The following NRXN3 variants were observed in gnomAD, a reference collection of about 807,000 sequenced individuals.
NRXN3 encodes neurexin 3.
Under a neutral mutation model 137.6 loss-of-function variants are expected in NRXN3, and 32 were observed. The observed-to-expected ratio is 0.23, with a 90% CI of 0.18 to 0.31. NRXN3 has a LOEUF of 0.31. NRXN3 is among the 10% of genes least tolerant of loss of function. The pLI, the probability that NRXN3 is intolerant of heterozygous loss-of-function variation, is 1.00. For missense variants in NRXN3, 1,574 were observed against 2,062.5 expected (o/e 0.76, Z 4.59); for synonymous variants, 798 against 784.5 (o/e 1.02, Z -0.29).
chr14:78,966,393 G>A lies in NRXN3; in HGVS notation c.2764G>A (p.Glu922Lys). Residue 922 changes from glutamate to lysine, a missense_variant, in exon 12 of 21, where the codon GAG becomes AAG. This residue lies in a region of NRXN3 where 718 missense variants were observed against 887.6 expected (regional missense o/e 0.81). Coordinates refer to ENST00000335750, the MANE Select transcript of NRXN3 (RefSeq NM_001330195.2). ...SGDGNDFIAV[E>K]LVKGYIHYVF... ...TGATGGCAATGACTTCATTGCAGTC[G>A]AGCTTGTCAAGGGGTAAGTAGAAGG... 6.2e-7 allele frequency: 1 copy of A among 1,612,320 alleles called. No homozygotes were observed. The highest frequency in any genetic ancestry group is 8.5e-7 in the Non-Finnish European group (1 of 1,178,548).
intron 4 of NRXN3, among the ~76,000 whole-genome samples, chr14:78,343,918 G>A (rs182824329): frequency 1.3e-5 from 2 of 152,284 alleles, no homozygotes; most frequent in East Asian, 1.9e-4. Context: ...AAGCTCCCTG[G>A]CAGTTCTATT....
At chr14:79,489,452 ATCTT>A (rs2096690911) in intron 16 of NRXN3, among the ~76,000 whole-genome samples, 1 of 152,104 alleles carries the variant, frequency 6.6e-6, no homozygotes, top group Non-Finnish European at 1.5e-5. Flanking sequence ...GAAGGAAAAA[ATCTT>A]TGTGGAGTTT....
intron 15 of NRXN3, among the ~76,000 whole-genome samples, chr14:79,452,356 C>T (rs1232369653): frequency 6.6e-6 from 1 of 152,116 alleles, no homozygotes; most frequent in Non-Finnish European, 1.5e-5. Context: ...CTGAATACAT[C>T]CATCATAATA....
intron 12 of NRXN3, 31 bp from the exon 13 acceptor site, chr14:78,967,177 A>G (rs1361911660): frequency 2.0e-5 from 31 of 1,549,398 alleles, no homozygotes; most frequent in African/African-American, 3.1e-5. Flanking sequence ...GGGATTTTCC[A>G]ATTATTGTTT....
intron 16 of NRXN3, among the ~76,000 whole-genome samples, chr14:79,509,066 G>A (rs888900478): frequency 1.3e-5 from 2 of 151,960 alleles, no homozygotes; most frequent in Non-Finnish European, 2.9e-5. Flanking sequence ...CTGGTGGCAC[G>A]GACCTGTAAT....
chr14:78,505,645 A>G (rs968003390), intron 4 of NRXN3, among the ~76,000 whole-genome samples: 5 of 152,148 alleles, frequency 3.3e-5, no homozygotes, highest in Non-Finnish European at 5.9e-5. Flanking sequence ...ATAATATTCC[A>G]TAAATGTATA....
intron 15 of NRXN3, among the ~76,000 whole-genome samples, chr14:79,229,721 G>T (rs940991940): frequency 2.6e-5 from 4 of 152,090 alleles, no homozygotes; most frequent in Non-Finnish European, 5.9e-5. Context: ...CAGCTCACTT[G>T]GATATAATTT....
intron 15 of NRXN3, among the ~76,000 whole-genome samples, chr14:79,153,189 A>C (rs762708731): frequency 5.3e-5 from 8 of 151,874 alleles, no homozygotes. Context: ...CTACCAACTG[A>C]CCTGTATCAG....
At chr14:79,777,734 TTTG>T in intron 19 of NRXN3, among the ~76,000 whole-genome samples, 1 of 151,802 alleles carries the variant, frequency 6.6e-6, no homozygotes, top group Admixed American at 6.6e-5. Context: ...AAATAAGAAT[TTTG>T]TGGGTGGGGT....
At chr14:79,114,535 A>T (rs1188184651) in intron 15 of NRXN3, among the ~76,000 whole-genome samples, 1 of 152,184 alleles carries the variant, frequency 6.6e-6, no homozygotes, top group Non-Finnish European at 1.5e-5. Context: ...TAATTAAATG[A>T]TTACTCAAAA....
At chr14:79,651,630 T>A (rs2098476630) in intron 16 of NRXN3, among the ~76,000 whole-genome samples, 1 of 152,118 alleles carries the variant, frequency 6.6e-6, no homozygotes, top group African/African-American at 2.4e-5. Flanking sequence ...GATTGTGGGA[T>A]AATTAGAGAA....
intron 14 of NRXN3, among the ~76,000 whole-genome samples, chr14:78,985,785 T>C (rs1038770362): frequency 7.2e-5 from 11 of 152,234 alleles, no homozygotes; most frequent in African/African-American, 2.7e-4. Context: ...TCTCAGAAGC[T>C]TTTATCCTTT....
At chr14:78,859,299 C>T (rs1203787419) in intron 10 of NRXN3, among the ~76,000 whole-genome samples, 1 of 152,068 alleles carries the variant, frequency 6.6e-6, no homozygotes, top group Non-Finnish European at 1.5e-5. Flanking sequence ...CTTGGGTACT[C>T]CTTCATAGCG....
At chr14:78,339,359 A>G (rs569796993) in intron 4 of NRXN3, among the ~76,000 whole-genome samples, 1 of 152,298 alleles carries the variant, frequency 6.6e-6, no homozygotes, top group Admixed American at 6.5e-5. Context: ...ATCTAGGTCC[A>G]TGCTACTCTA....
intron 19 of NRXN3, among the ~76,000 whole-genome samples, chr14:79,712,322 A>G (rs1019978491): frequency 2.6e-5 from 4 of 152,188 alleles, no homozygotes; most frequent in East Asian, 1.9e-4. Flanking sequence ...TCCCTGCCCT[A>G]CAACCCACAC....
intron 19 of NRXN3, among the ~76,000 whole-genome samples, chr14:79,750,274 CAATT>C (rs2098993138): frequency 6.6e-6 from 1 of 152,038 alleles, no homozygotes; most frequent in Admixed American, 6.6e-5. Context: ...AGTAATAAGA[CAATT>C]TATTTCTATT....
chr14:78,691,497 A>C (rs1411249185), intron 6 of NRXN3, among the ~76,000 whole-genome samples: 1 of 152,192 alleles, frequency 6.6e-6, no homozygotes, highest in African/African-American at 2.4e-5. Context: ...TACCAAGATA[A>C]GCAATAGATT....
chr14:78,794,767 G>A (rs1192960692), intron 8 of NRXN3, among the ~76,000 whole-genome samples: 1 of 151,848 alleles, frequency 6.6e-6, no homozygotes, highest in Non-Finnish European at 1.5e-5. Flanking sequence ...TGATGAACAT[G>A]TACTATTTAA....
Position 78,750,292 on chromosome 14 carries a change from G to A in NRXN3, c.2044+35153G>A, listed in dbSNP as rs1051329020. 1.2e-4 allele frequency among the ~76,000 whole-genome samples: 18 copies of A among 152,312 alleles called. No homozygotes were observed. In the East Asian group the frequency reaches 2.1e-3, roughly 18 times the overall value. On this transcript the variant is annotated intron_variant, in intron 8 of 20. Coordinates refer to ENST00000335750, the MANE Select transcript of NRXN3 (RefSeq NM_001330195.2). ...AAACACTTGCAGAGCAGATATAGTC[G>A]ATATATCCTGGGTTCATGAATGACA...
Sources: allele counts gnomAD v4.1 joint callset (sites outside exome capture counted in the v4.1 genomes callset), GRCh38; gene constraint gnomAD v4.1.1; regional missense constraint gnomAD v4.1.1; transcripts MANE v1.5; gene names NCBI Gene and HGNC (gene_info 2026-07-23, HGNC 2026-07-21).